The following KDM4C variants were observed in gnomAD, a reference collection of about 807,000 sequenced individuals.
KDM4C encodes the protein lysine-specific demethylase 4C.
In KDM4C, 81 loss-of-function variants were observed where a neutral mutation model predicts 129.3. That is an observed-to-expected ratio of 0.63 (90% CI 0.52 to 0.75). The LOEUF is 0.75. Ranked by LOEUF, KDM4C falls within the 30% of genes least tolerant of loss-of-function variation. KDM4C has a pLI of 0.00. For missense variants in KDM4C, 1,457 were observed against 1,304.0 expected, an observed-to-expected ratio of 1.12 and a Z score of -1.81; for synonymous variants, 573 against 456.1, an observed-to-expected ratio of 1.26 and a Z score of -3.26.
chr9:6,750,393 C>G (rs1245779924), intron 1 of KDM4C, among the ~76,000 whole-genome samples: 3 of 150,302 alleles, frequency 2.0e-5, no homozygotes, highest in African/African-American at 7.3e-5. Context: ...GAGCCGAGAT[C>G]GTGTCATTGC....
intron 2 of KDM4C, among the ~76,000 whole-genome samples, chr9:6,799,119 G>C (rs1181689366): frequency 1.2e-4 from 18 of 151,830 alleles, no homozygotes; most frequent in East Asian, 3.9e-4. Context: ...CGTCCCAGAC[G>C]ATGGGCGGCC....
At chr9:6,919,277 C>CTTTCTT (rs1416409064) in intron 8 of KDM4C, among the ~76,000 whole-genome samples, 5 of 34,648 alleles carry the variant, frequency 1.4e-4, no homozygotes, top group African/African-American at 2.0e-4. Flanking sequence ...CTTTCTGTCT[C>CTTTCTT]TCTCTCTCTC....
At chr9:6,738,806 C>T (rs1421303022) in intron 1 of KDM4C, among the ~76,000 whole-genome samples, 1 of 151,540 alleles carries the variant, frequency 6.6e-6, no homozygotes, top group African/African-American at 2.4e-5. Context: ...ACCGTGATGG[C>T]CAGGCTGGTC....
At chr9:7,065,482 T>C (rs537295510) in intron 17 of KDM4C, among the ~76,000 whole-genome samples, 51 of 152,268 alleles carry the variant, frequency 3.3e-4, no homozygotes, top group African/African-American at 1.2e-3. Context: ...TTTATTTGCT[T>C]TGGACAAAGC....
chr9:6,914,132 T>C (rs1819852699), intron 8 of KDM4C, among the ~76,000 whole-genome samples: 1 of 152,230 alleles, frequency 6.6e-6, no homozygotes, highest in Admixed American at 6.5e-5. Flanking sequence ...TAATCTCGGC[T>C]CACCGCAACC....
At chr9:7,130,040 A>G (rs1733768335) in intron 19 of KDM4C, among the ~76,000 whole-genome samples, 1 of 152,220 alleles carries the variant, frequency 6.6e-6, no homozygotes, top group Non-Finnish European at 1.5e-5. Context: ...GATATGCAGG[A>G]GCAAGAGAGG....
chr9:6,952,058 TA>T (rs1306508941), intron 8 of KDM4C, among the ~76,000 whole-genome samples: 2 of 152,162 alleles, frequency 1.3e-5, no homozygotes, highest in African/African-American at 4.8e-5. Flanking sequence ...TAAATGGGCT[TA>T]AAAAATACAT....
intron 1 of KDM4C, chr9:6,723,722 G>C (rs1223023966): frequency 1.3e-5 from 2 of 151,932 alleles, no homozygotes; most frequent in East Asian, 1.9e-4. Flanking sequence ...CTCTAACGAA[G>C]GAAAGGACTG....
At chr9:7,115,060 G>C (rs1013254619) in intron 18 of KDM4C, among the ~76,000 whole-genome samples, 1 of 151,902 alleles carries the variant, frequency 6.6e-6, no homozygotes, top group African/African-American at 2.4e-5. Context: ...ATACAGCCTG[G>C]GTGACAGAGC....
chr9:6,985,842 C>A (rs558448353), intron 10 of KDM4C, among the ~76,000 whole-genome samples: 6 of 152,228 alleles, frequency 3.9e-5, no homozygotes, highest in African/African-American at 1.4e-4. Flanking sequence ...AGGTGTGCAC[C>A]ACTATGCCTA....
At chr9:6,851,757 TG>T (rs770454997) in intron 5 of KDM4C, among the ~76,000 whole-genome samples, 37 of 152,316 alleles carry the variant, frequency 2.4e-4, no homozygotes, top group Non-Finnish European at 4.1e-4. Flanking sequence ...AACAGGTTGA[TG>T]TTGTCTCCTA....
At chr9:6,821,287 A>T (rs965616681) in intron 4 of KDM4C, among the ~76,000 whole-genome samples, 1 of 152,212 alleles carries the variant, frequency 6.6e-6, no homozygotes, top group Non-Finnish European at 1.5e-5. Flanking sequence ...ATCCTTGAGG[A>T]ATCACCACAC....
At chr9:6,937,278 G>C (rs1289279058) in intron 8 of KDM4C, among the ~76,000 whole-genome samples, 1 of 152,120 alleles carries the variant, frequency 6.6e-6, no homozygotes, top group Non-Finnish European at 1.5e-5. Context: ...TTTAAAGTTT[G>C]AAATTCTGAA....
chr9:6,722,755 C>T (rs534603232), intron 1 of KDM4C, among the ~76,000 whole-genome samples: 4 of 151,978 alleles, frequency 2.6e-5, no homozygotes, highest in South Asian at 2.1e-4. Context: ...TCAGGTGATC[C>T]GCCTGCCTCC....
At chr9:7,146,048 G>T (rs1428938458) in intron 19 of KDM4C, among the ~76,000 whole-genome samples, 3 of 152,200 alleles carry the variant, frequency 2.0e-5, no homozygotes, top group Non-Finnish European at 2.9e-5. Flanking sequence ...TACCAGTGCA[G>T]CCAGGAGGAA....
intron 2 of KDM4C, among the ~76,000 whole-genome samples, chr9:6,800,253 GC>G (rs1242687709): frequency 6.6e-6 from 1 of 152,084 alleles, no homozygotes; most frequent in Non-Finnish European, 1.5e-5. Context: ...TGTAATCCCA[GC>G]TCCTTGGGAG....
chr9:7,059,003 C>G (rs1487501814), intron 17 of KDM4C, among the ~76,000 whole-genome samples: 4 of 152,136 alleles, frequency 2.6e-5, no homozygotes, highest in Non-Finnish European at 5.9e-5. Context: ...TTTTAGAAAA[C>G]TTGTATCCAT....
intron 5 of KDM4C, among the ~76,000 whole-genome samples, chr9:6,860,585 A>G (rs552193672): frequency 6.6e-5 from 10 of 152,322 alleles, no homozygotes; most frequent in Non-Finnish European, 1.2e-4. Context: ...TGTATAACAA[A>G]CCTTCACATA....
intron 8 of KDM4C, among the ~76,000 whole-genome samples, chr9:6,946,784 A>G (rs1827052756): frequency 6.6e-6 from 1 of 152,068 alleles, no homozygotes; most frequent in Admixed American, 6.5e-5. Context: ...ATGTTCAATC[A>G]GCAGAAAACT....
Sources: allele counts gnomAD v4.1 joint callset (sites outside exome capture counted in the v4.1 genomes callset), GRCh38; gene constraint gnomAD v4.1.1; transcripts MANE v1.5; gene names NCBI Gene and HGNC (gene_info 2026-07-23, HGNC 2026-07-21).